PLXNC1: variants seen among roughly 807,000 people sequenced by gnomAD.
PLXNC1 encodes the protein plexin C1, also known as plexin-C1.
PLXNC1 carries 75 observed loss-of-function variants against 178.2 expected under a neutral mutation model. The ratio of observed to expected loss-of-function variants is 0.42; its 90% CI spans 0.35 to 0.51. The LOEUF is 0.51. Ranked by LOEUF, PLXNC1 falls within the 20% of genes least tolerant of loss-of-function variation. The probability of loss-of-function intolerance (pLI) is 0.02; values close to 1 mark genes in which losing one functional copy is unlikely to be tolerated. For synonymous variants in PLXNC1, 790 were observed against 779.9 expected (o/e 1.01, Z -0.22); for missense variants, 1,503 against 1,984.4 (o/e 0.76, Z 4.61).
rs1565835316 is a variant in PLXNC1 at position 94,259,189 on chromosome 12, G to C, written c.3088-148G>C. On this transcript the variant is annotated intron_variant, in intron 17 of 30. Coordinates refer to ENST00000258526, the MANE Select transcript of PLXNC1 (RefSeq NM_005761.3). ...GAATAATTATTTATTATGTATTAGA[G>C]AATACGCAGCCACCATAAACCCAGG... The C allele has an allele frequency of 5.1e-6, 3 of 593,946 alleles. No individual in the cohort carries two copies. The African/African-American group carries it at 5.9e-5, about 12-fold the overall frequency. The allele number at this position is 593,946 out of a possible 1,614,324, so 36.8% of individuals were successfully genotyped here.
At position 94,149,812 on chromosome 12, in the gene PLXNC1, C is replaced by T. The variant is rs772563895; in HGVS notation, c.841C>T (p.Leu281Phe). ...GGTGCTGTTCCAGGGCCAGGCATCC[C>T]TCGACTGCGGCCACGGCCACCCCGA... Reference protein sequence around the residue: ...TEVLFQGQASLDCGHGHPDGR... With the variant: ...TEVLFQGQASFDCGHGHPDGR... Residue 281 changes from leucine (L) to phenylalanine (F), a missense_variant, in exon 1 of 31, where the codon CTC (leucine) becomes TTC (phenylalanine). Around this residue, in one of 4 missense-constraint regions of PLXNC1, gnomAD observed 615 missense variants for 698.6 expected, o/e 0.88. Transcript: ENST00000258526. 2.0e-5 allele frequency: 32 copies of T among 1,603,260 alleles called. No homozygotes were observed. Among genetic ancestry groups the T allele is most frequent in the Admixed American group, 3.4e-5 (2 of 59,192 alleles).
chr12:94,243,321 C>T (rs1964442330), intron 11 of PLXNC1, among the ~76,000 whole-genome samples: 1 of 152,240 alleles, frequency 6.6e-6, no homozygotes, highest in African/African-American at 2.4e-5. Flanking sequence ...CTGTGGACAG[C>T]TGTTTCTTTC....
At chr12:94,249,812 T>C (rs886468822) in intron 14 of PLXNC1, among the ~76,000 whole-genome samples, 1 of 151,482 alleles carries the variant, frequency 6.6e-6, no homozygotes, top group Non-Finnish European at 1.5e-5. Context: ...AGACAGAGAA[T>C]AAAACAGACA....
intron 23 of PLXNC1, 131 bp downstream of exon 23, chr12:94,282,532 A>T: frequency 1.6e-6 from 1 of 643,990 alleles, no homozygotes; most frequent in South Asian, 1.9e-5. Context: ...TCTGGGGCTG[A>T]AGTTTTCTTT....
intron 22 of PLXNC1, among the ~76,000 whole-genome samples, chr12:94,281,413 G>C (rs1295760516): frequency 6.6e-6 from 1 of 152,182 alleles, no homozygotes; most frequent in Non-Finnish European, 1.5e-5. Flanking sequence ...TCAGCCGCCT[G>C]GGACTACAGA....
intron 21 of PLXNC1, among the ~76,000 whole-genome samples, chr12:94,268,800 G>A (rs1965407752): frequency 6.6e-6 from 1 of 151,818 alleles, no homozygotes; most frequent in Non-Finnish European, 1.5e-5. Context: ...TCGCCGTGTT[G>A]GCTAGCCTGG....
intron 21 of PLXNC1, chr12:94,278,209 C>G (rs1966133183): frequency 2.7e-6 from 1 of 364,578 alleles, no homozygotes; most frequent in South Asian, 2.0e-5. Context: ...AAGCCAGGCT[C>G]AAAACATTAA....
At chr12:94,188,522 C>T (rs962572930) in intron 4 of PLXNC1, among the ~76,000 whole-genome samples, 1 of 151,988 alleles carries the variant, frequency 6.6e-6, no homozygotes, top group Non-Finnish European at 1.5e-5. Flanking sequence ...TGGGGTTTCA[C>T]CATGTTGGCC....
intron 30 of PLXNC1, 94 bp from the exon 31 acceptor site, chr12:94,305,087 A>T: frequency 1.4e-6 from 1 of 728,734 alleles, no homozygotes; most frequent in Non-Finnish European, 2.4e-6. Context: ...TCTGTTTCAT[A>T]CAGATTTTAC....
chr12:94,259,531 AC>A (rs1385720325), intron 18 of PLXNC1, 78 bp from the exon 19 acceptor site: 3 of 1,209,186 alleles, frequency 2.5e-6, no homozygotes, highest in Non-Finnish European at 3.4e-6. Context: ...GTCTTGGAAA[AC>A]CCATTGTGGG....
chr12:94,240,766 A>C, intron 11 of PLXNC1, 102 bp downstream of exon 11: 1 of 921,472 alleles, frequency 1.1e-6, no homozygotes, highest in Non-Finnish European at 1.7e-6. Flanking sequence ...TGGTCATTCC[A>C]AATTCCTCTC....
chr12:94,298,559 C>T (rs867323189), intron 26 of PLXNC1, 73 bp from the exon 27 acceptor site: 10 of 1,194,116 alleles, frequency 8.4e-6, no homozygotes, highest in Non-Finnish European at 2.4e-6. Context: ...TGTGGATTTG[C>T]TTTTGCTATT....
chr12:94,262,398 T>G (rs535698140), intron 20 of PLXNC1: 2 of 711,688 alleles, frequency 2.8e-6, no homozygotes, highest in Admixed American at 6.3e-5. Context: ...TACTGGATCT[T>G]GTGATTCTTA....
chr12:94,259,789 C>A lies in PLXNC1; in HGVS notation c.3251+55C>A, dbSNP rs1390300192. 15 of 1,478,828 alleles carry A rather than the reference C, an allele frequency of 1.0e-5. No homozygotes were observed. In the East Asian group the frequency reaches 3.7e-4, roughly 36 times the overall value. The allele number at this position is 1,478,828 out of a possible 1,614,324, so 91.6% of individuals were successfully genotyped here. A position where few individuals can be genotyped will look rare whatever the true frequency, so the allele number is the denominator to read the frequency against. On this transcript the variant is annotated intron_variant, in intron 19 of 30. Coordinates refer to ENST00000258526, the MANE Select transcript of PLXNC1 (RefSeq NM_005761.3). ...GCCTTTAAGAAAAAATCAGGCCGGG[C>A]ATGGTGGCTCATGGCTGTAATCCCA... is the stretch of plus-strand genomic sequence containing the variant.
At chr12:94,243,165 C>T (rs541294773) in intron 11 of PLXNC1, among the ~76,000 whole-genome samples, 6 of 152,328 alleles carry the variant, frequency 3.9e-5, no homozygotes, top group African/African-American at 1.4e-4. Context: ...TTCTCTCTGC[C>T]CTACACAAAT....
chr12:94,169,229 A>G lies in PLXNC1; in HGVS notation c.1139A>G (p.Tyr380Cys), dbSNP rs1961749059. The G allele has an allele frequency of 3.7e-6, 6 of 1,613,774 alleles. No homozygotes were observed. Among genetic ancestry groups the G allele is most frequent in the African/African-American group, 1.3e-5 (1 of 74,910 alleles). ...ATCCATTCCGACCTGACATCCGTTT[A>G]TGGCACCGTGGTAATGAACAGGACT... ...TLIHSDLTSV[Y>C]GTVVMNRTVL... Residue 380 changes from tyrosine to cysteine, a missense_variant, in exon 2 of 31, where the codon TAT (tyrosine) becomes TGT (cysteine). Transcript: ENST00000258526.
intron 3 of PLXNC1, among the ~76,000 whole-genome samples, 178 bp from the exon 4 acceptor site, chr12:94,186,195 G>A (rs1962502674): frequency 6.6e-6 from 1 of 152,098 alleles, no homozygotes. Flanking sequence ...CTCCCCAGGT[G>A]ATTGTGATAC....
At chr12:94,300,379 C>T (rs916677234) in intron 27 of PLXNC1, among the ~76,000 whole-genome samples, 1 of 152,090 alleles carries the variant, frequency 6.6e-6, no homozygotes, top group African/African-American at 2.4e-5. Context: ...GGCAGACAGA[C>T]GCCAAGAGCA....
At chr12:94,268,112 A>G (rs1191246965) in intron 21 of PLXNC1, among the ~76,000 whole-genome samples, 2 of 152,172 alleles carry the variant, frequency 1.3e-5, no homozygotes, top group African/African-American at 2.4e-5. Context: ...ACACGTTTGG[A>G]AAAAAGGCCC....
Sources: allele counts gnomAD v4.1 joint callset (sites outside exome capture counted in the v4.1 genomes callset), GRCh38; gene constraint gnomAD v4.1.1; regional missense constraint gnomAD v4.1.1; transcripts MANE v1.5; gene names NCBI Gene and HGNC (gene_info 2026-07-23, HGNC 2026-07-21).